The following NRXN3 variants were observed in gnomAD, a reference collection of about 807,000 sequenced individuals.
NRXN3 encodes neurexin 3.
A neutral mutation model predicts 137.6 loss-of-function variants in NRXN3; 32 were observed. The ratio of observed to expected loss-of-function variants is 0.23; its 90% CI spans 0.18 to 0.31. NRXN3 has a LOEUF of 0.31. Ranked by LOEUF, NRXN3 falls within the 10% of genes least tolerant of loss-of-function variation. The pLI is 1.00. For missense variants in NRXN3, 1,574 were observed against 2,062.5 expected (o/e 0.76, Z 4.59); for synonymous variants, 798 against 784.5 (o/e 1.02, Z -0.29).
At chr14:79,807,499 A>T (rs2099212649) in intron 20 of NRXN3, among the ~76,000 whole-genome samples, 1 of 152,184 alleles carries the variant, frequency 6.6e-6, no homozygotes, top group Non-Finnish European at 1.5e-5. Flanking sequence ...TTGTTATGAG[A>T]CTTGAATAGC....
intron 15 of NRXN3, among the ~76,000 whole-genome samples, chr14:79,202,306 A>G (rs1488861571): frequency 6.6e-6 from 1 of 152,092 alleles, no homozygotes; most frequent in East Asian, 1.9e-4. Context: ...ACCTGAGAAA[A>G]TAAGGATTAT....
At chr14:79,704,765 A>C (rs199522111) in intron 19 of NRXN3, among the ~76,000 whole-genome samples, 1 of 152,068 alleles carries the variant, frequency 6.6e-6, no homozygotes, top group Non-Finnish European at 1.5e-5. Flanking sequence ...TTAGAGAATA[A>C]TTTGGGGGGA....
Position 79,617,916 on chromosome 14 carries a change from G to GAAAAAAAAAAAAA in NRXN3, c.3445-45862_3445-45861insAAAAAAAAAAAAA, listed in dbSNP as rs2098175722. 2.0e-4 allele frequency among the ~76,000 whole-genome samples: 13 copies of GAAAAAAAAAAAAA among 64,332 alleles called. No homozygotes were observed. The African/African-American group carries it at 2.8e-3, about 14-fold the overall frequency. The allele number at this position is 64,332 out of a possible 152,430, so 42.2% of individuals were successfully genotyped here. A position where few individuals can be genotyped will look rare whatever the true frequency, so the allele number is the denominator to read the frequency against. ...ATTCAGAGATAGGAGCTGAATAGCA[G>GAAAAAAAAAAAAA]CAAAAAAAAAAAAAAACATGCTTAT... On this transcript the variant is annotated intron_variant, in intron 16 of 20. Coordinates refer to ENST00000335750, the MANE Select transcript of NRXN3 (RefSeq NM_001330195.2).
intron 19 of NRXN3, among the ~76,000 whole-genome samples, chr14:79,727,278 A>G (rs1423262102): frequency 6.6e-6 from 1 of 152,174 alleles, no homozygotes; most frequent in Non-Finnish European, 1.5e-5. Context: ...GGCTTCCGGT[A>G]AATTGCAGTT....
chr14:78,800,589 A>C (rs1265535677), intron 8 of NRXN3, among the ~76,000 whole-genome samples: 1 of 152,206 alleles, frequency 6.6e-6, no homozygotes. Flanking sequence ...TGCAAATTGT[A>C]ATGTGCAGCT....
intron 16 of NRXN3, among the ~76,000 whole-genome samples, chr14:79,565,373 G>GTA (rs1358065204): frequency 5.8e-5 from 7 of 121,568 alleles, no homozygotes; most frequent in African/African-American, 2.4e-4. Context: ...ACACACATAT[G>GTA]TATATATATG....
intron 15 of NRXN3, among the ~76,000 whole-genome samples, chr14:79,447,861 T>C (rs191253353): frequency 1.3e-5 from 2 of 152,364 alleles, no homozygotes; most frequent in African/African-American, 4.8e-5. Context: ...TCTGGCTAAA[T>C]ATCCTGAGCT....
intron 15 of NRXN3, among the ~76,000 whole-genome samples, chr14:79,174,121 A>G (rs1387806585): frequency 1.3e-5 from 2 of 152,160 alleles, no homozygotes; most frequent in African/African-American, 4.8e-5. Flanking sequence ...GAGAAGGGCA[A>G]TATTAATTCC....
At chr14:79,613,129 T>C (rs376669886) in intron 16 of NRXN3, among the ~76,000 whole-genome samples, 2 of 152,200 alleles carry the variant, frequency 1.3e-5, no homozygotes, top group East Asian at 3.9e-4. Context: ...GGTTGGATCT[T>C]CAGAAGCCTA....
At chr14:78,406,208 G>C (rs1353437276) in intron 4 of NRXN3, among the ~76,000 whole-genome samples, 2 of 152,182 alleles carry the variant, frequency 1.3e-5, no homozygotes, top group Non-Finnish European at 2.9e-5. Context: ...ATCCAAACTG[G>C]CTTAAACAGC....
Position 78,494,482 on chromosome 14 carries a change from T to C in NRXN3, c.758-150638T>C, listed in dbSNP as rs80048586. Among the ~76,000 whole-genome samples the C allele has an allele frequency of 5.6e-3, 820 of 145,166 alleles. 37 individuals are homozygous for C. The East Asian group carries it at 0.096, about 17-fold the overall frequency. On this transcript the variant is annotated intron_variant, in intron 4 of 20. Coordinates refer to ENST00000335750, the MANE Select transcript of NRXN3 (RefSeq NM_001330195.2). ...ACTTGATAAGGGAGTAGGCAAAAAA[T>C]GTCTGAGTCACCAGAACTGGGGTTT...
intron 8 of NRXN3, among the ~76,000 whole-genome samples, chr14:78,747,589 A>G (rs570731924): frequency 6.6e-6 from 1 of 152,348 alleles, no homozygotes; most frequent in Admixed American, 6.5e-5. Context: ...TATTTGAACT[A>G]AGAACCCTCT....
intron 10 of NRXN3, among the ~76,000 whole-genome samples, chr14:78,856,539 T>C (rs1345986932): frequency 1.3e-5 from 2 of 152,176 alleles, no homozygotes; most frequent in African/African-American, 4.8e-5. Flanking sequence ...CATTGATGTG[T>C]GTTTACTCCT....
chr14:79,824,626 A>C (rs1034451446), intron 20 of NRXN3, among the ~76,000 whole-genome samples: 19 of 152,216 alleles, frequency 1.2e-4, no homozygotes, highest in Admixed American at 1.2e-3. Context: ...GAGCATATCT[A>C]TTCAAACAAG....
At chr14:78,914,444 GGATAGGGTATGTCAGGGT>G (rs2099249496) in intron 10 of NRXN3, among the ~76,000 whole-genome samples, 1 of 152,148 alleles carries the variant, frequency 6.6e-6, no homozygotes, top group South Asian at 2.1e-4. Flanking sequence ...CAAAGAAAAA[GGATAGGGTATGTCAGGGT>G]GAGGAGGACC....
chr14:79,126,938 T>C (rs544300412), intron 15 of NRXN3, among the ~76,000 whole-genome samples: 5,765 of 152,302 alleles, frequency 0.038, 359 homozygotes, highest in African/African-American at 0.13. Flanking sequence ...ATGGTGAGCA[T>C]TTTTTCATGT....
At chr14:78,555,664 TATG>T (rs1230103442) in intron 4 of NRXN3, among the ~76,000 whole-genome samples, 1 of 152,212 alleles carries the variant, frequency 6.6e-6, no homozygotes, top group African/African-American at 2.4e-5. Context: ...TTAAATGGAA[TATG>T]ATGACTATTT....
intron 4 of NRXN3, among the ~76,000 whole-genome samples, chr14:78,369,270 C>G (rs1440016995): frequency 6.7e-6 from 1 of 149,540 alleles, no homozygotes; most frequent in Non-Finnish European, 1.5e-5. Flanking sequence ...AGTGCTTTGC[C>G]AATAAAGGTT....
chr14:78,966,181 A>T lies in NRXN3; in HGVS notation c.2552A>T (p.Asn851Ile), dbSNP rs1404057108. The T allele has an allele frequency of 6.2e-7, 1 of 1,614,220 alleles. No individual in the cohort carries two copies. The highest frequency in any genetic ancestry group is 1.7e-5 in the Admixed American group (1 of 60,022). ...CTTCTCTACATTGACTTGTGCAAAA[A>T]TGGTGACATTGATTATTGTGAGCTG... The part of the protein sequence containing the change: ...NGLLYIDLCK[N>I]GDIDYCELKA... The change falls in exon 12 of 21, where the codon AAT (asparagine) becomes ATT (isoleucine). Residue 851 changes from asparagine (N) to isoleucine (I), a missense_variant. Coordinates refer to ENST00000335750, the MANE Select transcript of NRXN3 (RefSeq NM_001330195.2).
Sources: allele counts gnomAD v4.1 joint callset (sites outside exome capture counted in the v4.1 genomes callset), GRCh38; gene constraint gnomAD v4.1.1; transcripts MANE v1.5; gene names NCBI Gene and HGNC (gene_info 2026-07-23, HGNC 2026-07-21).